Variants in RAF1 observed in about 807,000 individuals in gnomAD.
RAF1 encodes the protein Raf-1 proto-oncogene, serine/threonine kinase.
A neutral mutation model predicts 81.1 loss-of-function variants in RAF1; 27 were observed. The observed-to-expected ratio is 0.33, with a 90% CI of 0.25 to 0.46. The LOEUF is 0.46. RAF1 is among the 20% of genes least tolerant of loss of function. The pLI is 1.00. For synonymous variants in RAF1, 298 were observed against 294.0 expected (o/e 1.01, Z -0.14); for missense variants, 598 against 826.0 (o/e 0.72, Z 3.38).
At chr3:12,614,364 GA>G (rs2059308014) in intron 2 of RAF1, among the ~76,000 whole-genome samples, 1 of 152,118 alleles carries the variant, frequency 6.6e-6, no homozygotes, top group East Asian at 1.9e-4. Context: ...GCTAAGTGTT[GA>G]AAGTGGGTAA....
chr3:12,606,067 G>T, intron 6 of RAF1, 134 bp downstream of exon 6: 2 of 670,356 alleles, frequency 3.0e-6, no homozygotes, highest in Non-Finnish European at 2.7e-6. Flanking sequence ...CCAGTATCAA[G>T]TTCCACAGAA....
intron 1 of RAF1, among the ~76,000 whole-genome samples, chr3:12,660,117 G>T (rs2060828507): frequency 6.6e-6 from 1 of 151,904 alleles, no homozygotes; most frequent in Non-Finnish European, 1.5e-5. Flanking sequence ...GCAAACAAAT[G>T]ACATGTTATA....
rs1314768387 is a variant in RAF1 at position 12,603,509 on chromosome 3, G to A, written c.863C>T (p.Ala288Val). The A allele has an allele frequency of 8.6e-6, 6 of 701,212 alleles. No homozygotes were observed. The highest frequency in any genetic ancestry group is 2.7e-5 in the East Asian group (1 of 37,272). 43.4% of individuals were successfully genotyped at this position (701,212 alleles called of 1,614,324 possible). A position where few individuals can be genotyped will look rare whatever the true frequency, so the allele number is the denominator to read the frequency against. Residue 288 changes from alanine to valine, a missense_variant, in exon 8 of 18, where the codon GCG (alanine) becomes GTG (valine). By Grantham distance (64) the Ala-to-Val change is moderately conservative. This residue lies in a region of RAF1 where 194 missense variants were observed against 202.7 expected (regional missense o/e 0.96). Coordinates refer to ENST00000442415, the MANE Select transcript of RAF1 (RefSeq NM_001354689.3). ...CCTCAAACAAAATCGTCTGGACCAC[G>A]CCCTGGGAGAAGCACTCAGGTTGTT...
chr3:12,596,197 T>TA (rs2058682294), intron 11 of RAF1, among the ~76,000 whole-genome samples: 1 of 48,986 alleles, frequency 2.0e-5, no homozygotes, highest in Non-Finnish European at 4.6e-5. Context: ...TTTCTTTCTT[T>TA]TTTTTTTTTT....
At chr3:12,625,685 G>T (rs1402382930) in intron 1 of RAF1, among the ~76,000 whole-genome samples, 1 of 146,088 alleles carries the variant, frequency 6.8e-6, no homozygotes, top group South Asian at 2.1e-4. Context: ...TTAGCTGAAG[G>T]TCTAAGTGAA....
In RAF1 at chr3:12,584,962, C is replaced by T. The variant is rs727504827; in HGVS notation, c.1748G>A (p.Arg583Gln). The change falls in exon 17 of 18, where the codon CGA becomes CAA. Residue 583 changes from arginine to glutamine, a missense_variant. Coordinates refer to ENST00000442415, the MANE Select transcript of RAF1 (RefSeq NM_001354689.3). ...ACTAAGATCTGGGGAGGCATATCCT[C>T]GGCCCACCATGAAGATGATCTAAGG... is the stretch of plus-strand genomic sequence containing the variant. 2.2e-5 allele frequency: 35 copies of T among 1,613,998 alleles called. No individual in the cohort carries two copies. The highest frequency in any genetic ancestry group is 5.5e-5 in the South Asian group (5 of 91,086).
At chr3:12,627,151 T>C (rs1426484853) in intron 1 of RAF1, among the ~76,000 whole-genome samples, 1 of 152,204 alleles carries the variant, frequency 6.6e-6, no homozygotes, top group East Asian at 1.9e-4. Context: ...ACTTGTATTC[T>C]ATAGGCAAAC....
chr3:12,637,347 A>T (rs1210937305), intron 1 of RAF1, among the ~76,000 whole-genome samples: 2 of 149,834 alleles, frequency 1.3e-5, no homozygotes, highest in African/African-American at 2.5e-5. Context: ...TTCTATTAAC[A>T]TTTTTTTTTT....
chr3:12,588,887 AC>A, intron 13 of RAF1: 1 of 152,276 alleles, frequency 6.6e-6, no homozygotes, highest in South Asian at 2.1e-4. Context: ...TTCCTCACAA[AC>A]GGCTCGGTGG....
chr3:12,654,801 G>C (rs1184716107), intron 1 of RAF1, among the ~76,000 whole-genome samples: 3 of 137,734 alleles, frequency 2.2e-5, no homozygotes, highest in Non-Finnish European at 4.6e-5. Flanking sequence ...ACAAGTTTAA[G>C]AGGGAGGAAA....
At chr3:12,587,962 C>CTTTTTTTTTTTTTT (rs33981119) in intron 13 of RAF1, 1 of 62,550 alleles carries the variant, frequency 1.6e-5, no homozygotes, top group African/African-American at 7.5e-5. Context: ...ACCATGCCGC[C>CTTTTTTTTTTTTTT]TTTTTTTTTT....
intron 1 of RAF1, among the ~76,000 whole-genome samples, chr3:12,622,776 A>G (rs1458118783): frequency 2.6e-5 from 4 of 152,248 alleles, no homozygotes; most frequent in Non-Finnish European, 5.9e-5. Flanking sequence ...AGCCAGAATA[A>G]TGCTACAAAA....
chr3:12,648,044 C>A (rs1204828860), intron 1 of RAF1, among the ~76,000 whole-genome samples: 1 of 152,206 alleles, frequency 6.6e-6, no homozygotes, highest in East Asian at 1.9e-4. Flanking sequence ...TTAACTCTCA[C>A]CACAAATAAG....
chr3:12,634,332 G>A (rs1355679225), intron 1 of RAF1, among the ~76,000 whole-genome samples: 3 of 148,230 alleles, frequency 2.0e-5, no homozygotes, highest in Non-Finnish European at 1.5e-5. Context: ...TTTTTTTTTA[G>A]TAGAGATGGC....
intron 5 of RAF1, among the ~76,000 whole-genome samples, chr3:12,606,549 C>CT (rs888518743): frequency 9.3e-5 from 14 of 150,912 alleles, no homozygotes; most frequent in South Asian, 2.1e-4. Flanking sequence ...TTTTCTTTTT[C>CT]TTTTTTTTTA....
At chr3:12,607,702 C>A (rs2059078793) in intron 5 of RAF1, among the ~76,000 whole-genome samples, 2 of 150,578 alleles carry the variant, frequency 1.3e-5, no homozygotes. Context: ...CCTGTAATCC[C>A]AGCACTTTGG....
At chr3:12,648,668 C>T (rs1352862755) in intron 1 of RAF1, among the ~76,000 whole-genome samples, 1 of 152,048 alleles carries the variant, frequency 6.6e-6, no homozygotes, top group African/African-American at 2.4e-5. Flanking sequence ...ATCATGTGAA[C>T]CCAGGAAGCA....
intron 8 of RAF1, among the ~76,000 whole-genome samples, chr3:12,601,111 T>A (rs1387046192): frequency 1.3e-5 from 2 of 152,136 alleles, no homozygotes; most frequent in African/African-American, 2.4e-5. Flanking sequence ...GAAGTTGGAT[T>A]TGAAAAAGGT....
At chr3:12,650,144 T>C (rs1373744633) in intron 1 of RAF1, among the ~76,000 whole-genome samples, 1 of 32,278 alleles carries the variant, frequency 3.1e-5, no homozygotes, top group Non-Finnish European at 6.0e-5. Flanking sequence ...AGACTCCATC[T>C]CAAAAAAAAA....
Sources: gnomAD v4.1 joint callset for allele counts (sites outside exome capture counted in the v4.1 genomes callset) on GRCh38, gnomAD v4.1.1 for gene constraint, gnomAD v4.1.1 regional missense constraint, MANE v1.5 for transcripts, NCBI Gene and HGNC (gene_info 2026-07-23, HGNC 2026-07-21) for gene names.